LRRC27: variants seen among roughly 807,000 people sequenced by gnomAD.
LRRC27 encodes the protein leucine-rich repeat-containing protein 27.
LRRC27 carries 57 observed loss-of-function variants against 55.0 expected under a neutral mutation model. The observed-to-expected ratio is 1.04, with a 90% CI of 0.84 to 1.29. The LOEUF is 1.29. Among genes scored for constraint, LRRC27 ranks in the 50% most tolerant of loss-of-function variants. The probability of loss-of-function intolerance (pLI) is 0.00; values close to 1 mark genes in which losing one functional copy is unlikely to be tolerated. For synonymous variants in LRRC27, 278 were observed against 251.9 expected (o/e 1.10, Z -0.98); for missense variants, 721 against 651.5 (o/e 1.11, Z -1.16).
intron 7 of LRRC27, chr10:132,353,310 G>A: frequency 8.7e-7 from 1 of 1,152,242 alleles, no homozygotes. Flanking sequence ...GGCGGCTGCA[G>A]CCCGGCCCTG....
chr10:132,330,672 A>ATT (rs57850207), upstream of LRRC27, among the ~76,000 whole-genome samples: 1,810 of 126,878 alleles, frequency 0.014, 40 homozygotes, highest in African/African-American at 0.039. Context: ...CACACCCAGC[A>ATT]TTTTTTTTTT....
At chr10:132,331,719 C>A, upstream of LRRC27, 8 of 1,612,668 alleles carry the variant, frequency 5.0e-6, no homozygotes, top group South Asian at 1.1e-5. Context: ...CTCCGGCTCC[C>A]CAGACGGCAC....
Position 132,376,397 on chromosome 10 carries a change from T to G in LRRC27, c.*1155T>G, listed in dbSNP as rs950102454. On this transcript the variant is annotated 3_prime_UTR_variant, in exon 11 of 11. Transcript: ENST00000368614. ...GAAGAAGGGCGTGAAATTTATCACC[T>G]AAGCTTTCCATTCAGGAAGCTAGAA... 6.6e-6 allele frequency: 1 copy of G among 152,264 alleles called. No individual in the cohort carries two copies. Among genetic ancestry groups the G allele is most frequent in the African/African-American group, 2.4e-5 (1 of 41,474 alleles). The allele number at this position is 152,264 out of a possible 1,614,324, so 9.4% of individuals were successfully genotyped here.
intron 2 of LRRC27, among the ~76,000 whole-genome samples, chr10:132,335,475 T>TGGG (rs59837689): frequency 7.1e-6 from 1 of 140,322 alleles, no homozygotes; most frequent in African/African-American, 2.8e-5. Context: ...CTGAGTACTA[T>TGGG]GGGGGGGGGT....
chr10:132,351,685 G>A lies in LRRC27; in HGVS notation c.1005G>A (p.Leu335=). ...AAATGGCGATCCGAGCAAAAAGACT[G>A]GAAGAGAGCCGAGCGGCGGCGCTCC... ...PYQMAIRAKR[L]EESRAAALRE... is the part of the protein sequence containing the mutation. The change falls in exon 7 of 11, where the codon CTG becomes CTA. Residue 335 remains leucine (L), a synonymous_variant. Transcript: ENST00000368614. 6.2e-7 allele frequency: 1 copy of A among 1,614,040 alleles called. No individual in the cohort carries two copies. Among genetic ancestry groups the A allele is most frequent in the Non-Finnish European group, 8.5e-7 (1 of 1,180,000 alleles).
intron 7 of LRRC27, among the ~76,000 whole-genome samples, chr10:132,352,692 C>T (rs909531688): frequency 1.3e-5 from 2 of 149,218 alleles, no homozygotes; most frequent in East Asian, 4.0e-4. Flanking sequence ...CCATGTGGGG[C>T]AGGTGCAGCG....
chr10:132,336,819 A>C (rs752352383), intron 2 of LRRC27: 1 of 763,726 alleles, frequency 1.3e-6, no homozygotes, highest in Non-Finnish European at 2.4e-6. Flanking sequence ...ATATAAATAC[A>C]TATAATAATG....
At chr10:132,330,256 G>A (rs2066622277), upstream of LRRC27, 3 of 567,430 alleles carry the variant, frequency 5.3e-6, no homozygotes, top group Admixed American at 3.0e-5. Context: ...AAAAACCTGA[G>A]GCAACAATAA....
At position 132,381,383 on chromosome 10, in the gene LRRC27, G is replaced by A. The variant is rs2069408498; in HGVS notation, c.*6141G>A. ...GCACTGTCGGCTTCCCTCCTTTAGA[G>A]GTTTGGGGACTCAGACTGAGCTACT... On this transcript the variant is annotated 3_prime_UTR_variant, in exon 11 of 11. Coordinates refer to ENST00000368614, the MANE Select transcript of LRRC27 (RefSeq NM_030626.3). Among the ~76,000 whole-genome samples, 2 of 152,256 alleles carry A rather than the reference G, an allele frequency of 1.3e-5. No individual in the cohort carries two copies. Among genetic ancestry groups the A allele is most frequent in the Admixed American group, 6.5e-5 (1 of 15,294 alleles).
intron 2 of LRRC27, among the ~76,000 whole-genome samples, chr10:132,334,383 A>T (rs1262338820): frequency 6.6e-6 from 1 of 152,212 alleles, no homozygotes; most frequent in African/African-American, 2.4e-5. Flanking sequence ...TGTCTGGAAC[A>T]TAGTTATGAT....
chr10:132,353,964 G>A (rs146335918), intron 7 of LRRC27, among the ~76,000 whole-genome samples: 13 of 152,318 alleles, frequency 8.5e-5, no homozygotes, highest in African/African-American at 3.1e-4. Flanking sequence ...ACCGTTTTCT[G>A]AAGTGGGTGT....
chr10:132,349,454 G>A (rs762249249), intron 6 of LRRC27, among the ~76,000 whole-genome samples: 9 of 152,204 alleles, frequency 5.9e-5, no homozygotes, highest in Non-Finnish European at 1.2e-4. Context: ...AGCACACACA[G>A]CAGGTTCCCA....
chr10:132,331,446 C>T, upstream of LRRC27: 2 of 1,610,456 alleles, frequency 1.2e-6, no homozygotes, highest in Middle Eastern at 3.3e-4. Context: ...TGCGTTTCCT[C>T]GCCCCCCTCA....
rs1482016301 is a variant in LRRC27 at position 132,372,888 on chromosome 10, C to T, written c.1417-2178C>T. On this transcript the variant is annotated intron_variant, in intron 10 of 10. Coordinates refer to ENST00000368614, the MANE Select transcript of LRRC27 (RefSeq NM_030626.3). This position sits in a 1 kb window ranked among gnomAD's most constrained non-coding sequence, Gnocchi z 4.0. ...CTGCACTGAGCAGCCAGCAGCCCAC[C>T]ACCGACACCCCGATCTCAGCCTCGT... Among the ~76,000 whole-genome samples the T allele has an allele frequency of 6.6e-6, 1 of 152,204 alleles. No individual in the cohort carries two copies. The highest frequency in any genetic ancestry group is 1.5e-5 in the Non-Finnish European group (1 of 68,044).
upstream of LRRC27, chr10:132,330,190 G>C (rs772972047): frequency 3.5e-4 from 169 of 482,832 alleles, no homozygotes; most frequent in Middle Eastern, 1.1e-3. Flanking sequence ...AAACATGCTC[G>C]TACATACAAT....
Position 132,372,455 on chromosome 10 carries a change from C to A in LRRC27, c.1417-2611C>A, listed in dbSNP as rs910766444. Among the ~76,000 whole-genome samples the A allele has an allele frequency of 1.3e-5, 2 of 152,214 alleles. No individual in the cohort carries two copies. Among genetic ancestry groups the A allele is most frequent in the African/African-American group, 4.8e-5 (2 of 41,462 alleles). On this transcript the variant is annotated intron_variant, in intron 10 of 10. Coordinates refer to ENST00000368614, the MANE Select transcript of LRRC27 (RefSeq NM_030626.3). This position sits in a 1 kb window ranked among gnomAD's most constrained non-coding sequence, Gnocchi z 4.0. ...CAGTGGTGTGCACCTGTAATCCCAG[C>A]TACGCAGGAGACAAAGGCCGGAGAA...
chr10:132,365,878 C>T (rs2069055629), intron 10 of LRRC27, among the ~76,000 whole-genome samples: 2 of 152,244 alleles, frequency 1.3e-5, no homozygotes, highest in Admixed American at 1.3e-4. Context: ...GGCCACTGTG[C>T]ACAGCCTAAA....
intron 10 of LRRC27, among the ~76,000 whole-genome samples, chr10:132,371,005 GC>G (rs2069200522): frequency 6.6e-6 from 1 of 152,244 alleles, no homozygotes. Flanking sequence ...TGGCTGTGTG[GC>G]CCACCAGCCT....
intron 6 of LRRC27, chr10:132,349,024 G>A: frequency 3.1e-6 from 5 of 1,609,846 alleles, no homozygotes; most frequent in Non-Finnish European, 4.2e-6. Flanking sequence ...TCGAATCATG[G>A]GCGTGGTAGG....
Sources: allele counts gnomAD v4.1 joint callset (sites outside exome capture counted in the v4.1 genomes callset), GRCh38; gene constraint gnomAD v4.1.1; non-coding constraint Gnocchi (gnomAD v3.1); transcripts MANE v1.5; gene names NCBI Gene and HGNC (gene_info 2026-07-23, HGNC 2026-07-21).